Variants in ACOX3 observed in about 807,000 individuals in gnomAD.
ACOX3 encodes the protein peroxisomal acyl-coenzyme A oxidase 3.
ACOX3 carries 73 observed loss-of-function variants against 81.5 expected under a neutral mutation model. That is an observed-to-expected ratio of 0.90 (90% confidence interval 0.74 to 1.09). The LOEUF (loss-of-function observed/expected upper bound fraction) is 1.09, where lower values mean the gene tolerates loss of function less well. Among genes scored for constraint, ACOX3 ranks in the 50% least tolerant of loss-of-function variants. The probability of loss-of-function intolerance (pLI) is 0.00; values close to 1 mark genes in which losing one functional copy is unlikely to be tolerated. For synonymous variants in ACOX3, 387 were observed against 375.1 expected, an observed-to-expected ratio of 1.03 and a Z score of -0.37; for missense variants, 947 against 928.0, an observed-to-expected ratio of 1.02 and a Z score of -0.27.
Position 8,428,422 on chromosome 4 carries a change from C to T in ACOX3, c.-14-11887G>A, listed in dbSNP as rs1579002501. 5 of 152,768 alleles carry T rather than the reference C, an allele frequency of 3.3e-5. No homozygotes were observed. In the South Asian group the frequency reaches 1.0e-3, roughly 32 times the overall value. The allele number at this position is 152,768 out of a possible 1,614,324, so 9.5% of individuals were successfully genotyped here. A position where few individuals can be genotyped will look rare whatever the true frequency, so the allele number is the denominator to read the frequency against. On this transcript the variant is annotated intron_variant, in intron 1 of 17. Transcript: ENST00000356406. Reference sequence around the variant, plus strand: ...GTACTGGGACTAGCTGCCCGCACAGCGCAGCTGTCTCTGGCCTGGCCCCAC... The same window carrying T: ...GTACTGGGACTAGCTGCCCGCACAGTGCAGCTGTCTCTGGCCTGGCCCCAC...
At chr4:8,426,215 G>A (rs947195146) in intron 1 of ACOX3, among the ~76,000 whole-genome samples, 2 of 151,986 alleles carry the variant, frequency 1.3e-5, no homozygotes, top group African/African-American at 4.8e-5. Flanking sequence ...CCGAGAGGAG[G>A]GAAAGGAATT....
chr4:8,375,633 G>A lies in ACOX3; in HGVS notation c.1654-481C>T, dbSNP rs118107514. Reference sequence around the variant, plus strand: ...CACTTCTCCAAAGATCTGCCACCCCGTCCTCCAAAGCCTCCAAAGCAGGCT... The same window carrying A: ...CACTTCTCCAAAGATCTGCCACCCCATCCTCCAAAGCCTCCAAAGCAGGCT... On this transcript the variant is annotated intron_variant, in intron 14 of 17. Coordinates refer to ENST00000356406, the MANE Select transcript of ACOX3 (RefSeq NM_003501.3). Among the ~76,000 whole-genome samples the A allele has an allele frequency of 3.4e-4, 52 of 152,262 alleles. No homozygotes were observed. The East Asian group carries it at 8.7e-3, about 25-fold the overall frequency.
Position 8,437,457 on chromosome 4 carries a change from C to G in ACOX3, c.-15+3191G>C, listed in dbSNP as rs1459181564. 6.6e-6 allele frequency among the ~76,000 whole-genome samples: 1 copy of G among 152,158 alleles called. No individual in the cohort carries two copies. The highest frequency in any genetic ancestry group is 2.4e-5 in the African/African-American group (1 of 41,448). ...GAGAATCAGAAGAAAATGGGAGAGACAGCAGTGCGCGGGGGCAGGGCCTGT... is the reference window on the plus strand; with the variant it reads ...GAGAATCAGAAGAAAATGGGAGAGAGAGCAGTGCGCGGGGGCAGGGCCTGT... On this transcript the variant is annotated intron_variant, in intron 1 of 17. Coordinates refer to ENST00000356406, the MANE Select transcript of ACOX3 (RefSeq NM_003501.3). The surrounding 1 kb of genome is among the most constrained non-coding windows in gnomAD (Gnocchi z 5.2).
chr4:8,410,692 G>A (rs1721619708), intron 5 of ACOX3, among the ~76,000 whole-genome samples: 1 of 152,138 alleles, frequency 6.6e-6, no homozygotes, highest in Non-Finnish European at 1.5e-5. Context: ...AGCTGTCTGT[G>A]CACTGTGGGC....
In ACOX3 at chr4:8,374,992, GCCGCGTGGCGGCTCAGGGA is replaced by G; in HGVS notation, c.1795_1813del (p.Ser599ProfsTer29). The G allele has an allele frequency of 6.5e-7, 1 of 1,529,940 alleles. No homozygotes were observed. Among genetic ancestry groups the G allele is most frequent in the Non-Finnish European group, 8.8e-7 (1 of 1,131,400 alleles). The allele number at this position is 1,529,940 out of a possible 1,614,324, so 94.8% of individuals were successfully genotyped here. A position where few individuals can be genotyped will look rare whatever the true frequency, so the allele number is the denominator to read the frequency against. ...AGAAGCCTCACCTCGGTAGAGCAGGGCCGCGTGGCGGCTCAGGGACCACAGGGCGTACAGAGCACTGAGC... is the reference window on the plus strand; with the variant it reads ...AGAAGCCTCACCTCGGTAGAGCAGGGCCACAGGGCGTACAGAGCACTGAGC... On this transcript the variant is annotated frameshift_variant, in exon 15 of 18. Transcript: ENST00000356406. LOFTEE classifies it high-confidence loss of function.
chr4:8,397,750 G>T (rs1272010682), intron 8 of ACOX3, among the ~76,000 whole-genome samples: 1 of 152,242 alleles, frequency 6.6e-6, no homozygotes. Flanking sequence ...GCCCCGTGCT[G>T]CCCCATCGGG....
At chr4:8,375,235 C>T (rs554380619) in intron 14 of ACOX3, 83 bp from the exon 15 acceptor site, 56 of 1,369,022 alleles carry the variant, frequency 4.1e-5, no homozygotes, top group African/African-American at 5.9e-5. Context: ...TCAGGAAACA[C>T]GAACGCGGGT....
In ACOX3 at chr4:8,431,650, G is replaced by A. The variant is rs1301151366; in HGVS notation, c.-15+8998C>T. Among the ~76,000 whole-genome samples, 5 of 152,218 alleles carry A rather than the reference G, an allele frequency of 3.3e-5. No individual in the cohort carries two copies. Among genetic ancestry groups the A allele is most frequent in the Non-Finnish European group, 7.3e-5 (5 of 68,034 alleles). ...AGCTATTTCTGGGTGAAACCACCAG[G>A]AGCTGCACGTGGACCCCTAGTGTGA... is the stretch of plus-strand genomic sequence containing the variant. On this transcript the variant is annotated intron_variant, in intron 1 of 17. Transcript: ENST00000356406. This position sits in a 1 kb window ranked among gnomAD's most constrained non-coding sequence, Gnocchi z 5.3.
intron 16 of ACOX3, among the ~76,000 whole-genome samples, chr4:8,371,460 C>T (rs1716186667): frequency 6.6e-6 from 1 of 152,306 alleles, no homozygotes; most frequent in Non-Finnish European, 1.5e-5. Context: ...CTCTCCCATT[C>T]CACTGGACAA....
intron 3 of ACOX3, 86 bp from the exon 4 acceptor site, chr4:8,415,014 A>C: frequency 4.7e-5 from 58 of 1,236,688 alleles, no homozygotes; most frequent in Non-Finnish European, 5.8e-5. Flanking sequence ...AACGGCACTC[A>C]ACACCATGCC....
At chr4:8,393,579 A>G (rs989535875) in intron 10 of ACOX3, among the ~76,000 whole-genome samples, 1 of 151,500 alleles carries the variant, frequency 6.6e-6, no homozygotes, top group Non-Finnish European at 1.5e-5. Flanking sequence ...AAAGACAATT[A>G]AAAAGGAAAA....
Position 8,393,512 on chromosome 4 carries a change from A to AACAAACAAACAG in ACOX3, c.1180-1060_1180-1059insCTGTTTGTTTGT, listed in dbSNP as rs1719265018. 2.7e-5 allele frequency among the ~76,000 whole-genome samples: 4 copies of AACAAACAAACAG among 150,434 alleles called. No individual in the cohort carries two copies. In the South Asian group the frequency reaches 8.5e-4, roughly 32 times the overall value. ...TCAAAAACAAACAAACAAACAAACA[A>AACAAACAAACAG]ACAAAAACTTAAGAGACTGATTCAG... On this transcript the variant is annotated intron_variant, in intron 10 of 17. Transcript: ENST00000356406.
chr4:8,415,652 T>C lies in ACOX3; in HGVS notation c.378+114A>G, dbSNP rs923870778. On this transcript the variant is annotated intron_variant, in intron 3 of 17. Transcript: ENST00000356406. ...AAAGATAATTTTTAAAATTTGCAAA[T>C]ATAGCTGGACAAACTGGTGTTTCTC... The C allele has an allele frequency of 2.7e-5, 23 of 852,842 alleles. No individual in the cohort carries two copies. The African/African-American group carries it at 3.8e-4, about 14-fold the overall frequency. The allele number at this position is 852,842 out of a possible 1,614,324, so 52.8% of individuals were successfully genotyped here. A position where few individuals can be genotyped will look rare whatever the true frequency, so the allele number is the denominator to read the frequency against.
Position 8,389,221 on chromosome 4 carries a change from C to T in ACOX3, c.1489G>A (p.Asp497Asn), listed in dbSNP as rs13434465. The change falls in exon 13 of 18, where the codon GAC (aspartate) becomes AAC (asparagine). Residue 497 changes from aspartate to asparagine, a missense_variant. Coordinates refer to ENST00000356406, the MANE Select transcript of ACOX3 (RefSeq NM_003501.3). The surrounding 1 kb of genome is among the most constrained non-coding windows in gnomAD (Gnocchi z 5.3). ...DFLDAYPGIL[D>N]QKFEVSSVAD... ...ACACTGGAGACCTCAAACTTCTGGT[C>T]AAGGATGCCGGGATAGGCGTCCAGA... The T allele has an allele frequency of 0.037, 59,349 of 1,613,840 alleles. 1,241 individuals carry two copies. The highest frequency in any genetic ancestry group is 0.058 in the African/African-American group (4,359 of 75,002).
chr4:8,423,903 G>C lies in ACOX3; in HGVS notation c.-14-7368C>G, dbSNP rs575693422. Among the ~76,000 whole-genome samples the C allele has an allele frequency of 6.6e-6, 1 of 152,248 alleles. No individual in the cohort carries two copies. Among genetic ancestry groups the C allele is most frequent in the South Asian group, 2.1e-4 (1 of 4,818 alleles). On this transcript the variant is annotated intron_variant, in intron 1 of 17. Coordinates refer to ENST00000356406, the MANE Select transcript of ACOX3 (RefSeq NM_003501.3). This position sits in a 1 kb window ranked among gnomAD's most constrained non-coding sequence, Gnocchi z 4.2. ...GAGACTTGAGCCAGTTCTCATACTT[G>C]GGCACTCTTGTCCTTCGGTATGCGG...
At chr4:8,378,416 T>C (rs945891683) in intron 14 of ACOX3, among the ~76,000 whole-genome samples, 1 of 152,214 alleles carries the variant, frequency 6.6e-6, no homozygotes, top group African/African-American at 2.4e-5. Flanking sequence ...GTCCTCGTCC[T>C]TGTCCGCCTT....
chr4:8,410,430 C>A, intron 5 of ACOX3, 75 bp from the exon 6 acceptor site: 1 of 1,544,530 alleles, frequency 6.5e-7, no homozygotes, highest in Non-Finnish European at 8.8e-7. Context: ...TCCTTTTAGA[C>A]AGATTCCATT....
rs1267808825 is a variant in ACOX3, at chr4:8,405,205, CG to C, written c.776+749del. 6.6e-6 allele frequency among the ~76,000 whole-genome samples: 1 copy of C among 152,226 alleles called. No individual in the cohort carries two copies. The highest frequency in any genetic ancestry group is 1.5e-5 in the Non-Finnish European group (1 of 68,040). Reference sequence around the variant, plus strand: ...CCCTCAAAGACCCTCAAGGCCCTTGCGGCCTGGCCTCCCTACCCCGCCTGCA... The same window carrying C: ...CCCTCAAAGACCCTCAAGGCCCTTGCGCCTGGCCTCCCTACCCCGCCTGCA... On this transcript the variant is annotated intron_variant, in intron 7 of 17. Transcript: ENST00000356406. This position sits in a 1 kb window ranked among gnomAD's most constrained non-coding sequence, Gnocchi z 7.1.
At chr4:8,357,438 T>C in the ACOX3 span, 1 of 355,376 alleles carries the variant, frequency 2.8e-6, no homozygotes, top group Non-Finnish European at 5.6e-6. Flanking sequence ...GAGGGGCAAC[T>C]ATTTCTCCAT....
Sources: gnomAD v4.1 joint callset for allele counts (sites outside exome capture counted in the v4.1 genomes callset) on GRCh38, gnomAD v4.1.1 for gene constraint, Gnocchi (gnomAD v3.1) non-coding constraint, MANE v1.5 for transcripts, NCBI Gene and HGNC (gene_info 2026-07-23, HGNC 2026-07-21) for gene names.